Variants in SPATA16 observed in about 807,000 individuals in gnomAD.
The protein encoded by SPATA16 is spermatogenesis-associated protein 16.
A neutral mutation model predicts 63.3 loss-of-function variants in SPATA16; 36 were observed. That is an observed-to-expected ratio of 0.57 (90% CI 0.44 to 0.75). The LOEUF (loss-of-function observed/expected upper bound fraction) is 0.75, where lower values mean the gene tolerates loss of function less well. Ranked by LOEUF, SPATA16 falls within the 30% of genes least tolerant of loss-of-function variation. The pLI, the probability that SPATA16 is intolerant of heterozygous loss-of-function variation, is 0.00. For missense variants in SPATA16, 646 were observed against 679.3 expected, an observed-to-expected ratio of 0.95 and a Z score of 0.54; for synonymous variants, 203 against 216.7, an observed-to-expected ratio of 0.94 and a Z score of 0.56.
rs144549374 is a variant in SPATA16 at position 173,074,325 on chromosome 3, G to A, written c.613-25231C>T. Reference sequence around the variant, plus strand: ...GAGGGGCTAGGGGTGAAATGATATGGTTTGGCTGTGTCCCCATCCAAATCT... The same window carrying A: ...GAGGGGCTAGGGGTGAAATGATATGATTTGGCTGTGTCCCCATCCAAATCT... On this transcript the variant is annotated intron_variant, in intron 2 of 10. Transcript: ENST00000351008. Among the ~76,000 whole-genome samples the A allele has an allele frequency of 7.9e-3, 1,206 of 152,204 alleles. 25 individuals are homozygous for A. Among genetic ancestry groups the A allele is most frequent in the African/African-American group, 0.028 (1,146 of 41,522 alleles).
chr3:173,031,789 A>G (rs962192790), intron 3 of SPATA16, among the ~76,000 whole-genome samples: 1 of 152,118 alleles, frequency 6.6e-6, no homozygotes, highest in Admixed American at 6.6e-5. Flanking sequence ...AAAATAAAGT[A>G]TAATAGTCCT....
intron 10 of SPATA16, among the ~76,000 whole-genome samples, chr3:172,903,066 C>T (rs1732154441): frequency 6.6e-6 from 1 of 152,170 alleles, no homozygotes. Context: ...TCCTATGGTT[C>T]ATTTAGCTAC....
Position 173,049,099 on chromosome 3 carries a change from A to C in SPATA16, c.613-5T>G. 1 of 1,609,740 alleles carries C rather than the reference A, an allele frequency of 6.2e-7. No individual in the cohort carries two copies. The highest frequency in any genetic ancestry group is 8.5e-7 in the Non-Finnish European group (1 of 1,177,522). The stretch of plus-strand genomic sequence containing the variant: ...AACTGCTCCTTTGCTGCAAAGCTTT[A>C]AAAAATATAGTACTTTCAACATCTT... On this transcript the variant is annotated splice_region_variant and splice_polypyrimidine_tract_variant and intron_variant, in intron 2 of 10. Coordinates refer to ENST00000351008, the MANE Select transcript of SPATA16 (RefSeq NM_031955.6).
intron 5 of SPATA16, among the ~76,000 whole-genome samples, chr3:172,967,022 G>A (rs1233393573): frequency 6.6e-6 from 1 of 152,158 alleles, no homozygotes; most frequent in African/African-American, 2.4e-5. Context: ...ACACAGAGAA[G>A]GAGTCAACAT....
At chr3:173,064,997 C>G (rs1337130100) in intron 2 of SPATA16, among the ~76,000 whole-genome samples, 2 of 152,208 alleles carry the variant, frequency 1.3e-5, no homozygotes, top group African/African-American at 2.4e-5. Context: ...GTCTCTACAA[C>G]TATTGTTCTT....
chr3:172,988,770 G>C (rs1242641696), intron 4 of SPATA16, among the ~76,000 whole-genome samples: 1 of 152,150 alleles, frequency 6.6e-6, no homozygotes, highest in African/African-American at 2.4e-5. Flanking sequence ...CCGAGTAGCT[G>C]AGATTACAAG....
At chr3:173,115,763 A>G (rs1016863750) in intron 2 of SPATA16, among the ~76,000 whole-genome samples, 28 of 152,192 alleles carry the variant, frequency 1.8e-4, no homozygotes, top group Non-Finnish European at 4.4e-5. Context: ...AACTGTAGTC[A>G]TTTTAACCTG....
Position 173,117,331 on chromosome 3 carries a change from C to A in SPATA16, c.401G>T (p.Gly134Val). Residue 134 changes from glycine to valine, a missense_variant, in exon 2 of 11, where the codon GGT becomes GTT. By Grantham distance (109) the Gly-to-Val change is moderately radical. Transcript: ENST00000351008. ...GGACTCTACAAACTCATAGCGAACA[C>A]CCATTTCATCAATGTAGACCAACTT... Reference protein sequence around the residue: ...EMKLVYIDEMGVRYEFVESFM... With the variant: ...EMKLVYIDEMVVRYEFVESFM... 2 of 1,614,168 alleles carry A rather than the reference C, an allele frequency of 1.2e-6. No individual in the cohort carries two copies. The highest frequency in any genetic ancestry group is 1.7e-6 in the Non-Finnish European group (2 of 1,180,002).
chr3:172,958,737 C>T (rs138286670), intron 5 of SPATA16, among the ~76,000 whole-genome samples: 2 of 152,258 alleles, frequency 1.3e-5, no homozygotes, highest in African/African-American at 4.8e-5. Flanking sequence ...TTGTAGATGG[C>T]TGTCTTTCCC....
chr3:172,977,520 A>G (rs1734192883), intron 4 of SPATA16, among the ~76,000 whole-genome samples: 1 of 152,108 alleles, frequency 6.6e-6, no homozygotes, highest in Non-Finnish European at 1.5e-5. Context: ...TCTCCTGAAA[A>G]CAGAAAATAA....
intron 4 of SPATA16, among the ~76,000 whole-genome samples, chr3:173,010,499 C>A (rs1456427776): frequency 2.0e-5 from 3 of 150,662 alleles, no homozygotes; most frequent in Non-Finnish European, 1.5e-5. Flanking sequence ...GTGGGGCTCC[C>A]AGAGGTAAGT....
intron 1 of SPATA16, among the ~76,000 whole-genome samples, chr3:173,129,352 A>G (rs1317671622): frequency 6.6e-6 from 1 of 152,184 alleles, no homozygotes; most frequent in Non-Finnish European, 1.5e-5. Context: ...TTTCAGCCAG[A>G]TTACTTAACT....
At chr3:172,963,197 C>T (rs578118728) in intron 5 of SPATA16, among the ~76,000 whole-genome samples, 15 of 152,136 alleles carry the variant, frequency 9.9e-5, no homozygotes, top group East Asian at 7.7e-4. Flanking sequence ...AAAGAACATT[C>T]GCAATAAGTT....
intron 5 of SPATA16, among the ~76,000 whole-genome samples, chr3:172,964,613 TG>T (rs1479090113): frequency 2.0e-5 from 3 of 152,220 alleles, no homozygotes; most frequent in Non-Finnish European, 4.4e-5. Flanking sequence ...GACCCTTTTT[TG>T]TCATTGTGCA....
At chr3:173,027,983 C>T (rs1282167475) in intron 3 of SPATA16, among the ~76,000 whole-genome samples, 1 of 46,396 alleles carries the variant, frequency 2.2e-5, no homozygotes, top group African/African-American at 1.0e-4. Context: ...TTCTCCCTCC[C>T]TCCCTCCCTC....
intron 2 of SPATA16, among the ~76,000 whole-genome samples, chr3:173,069,820 G>T (rs1163659183): frequency 1.3e-5 from 2 of 152,130 alleles, no homozygotes; most frequent in Non-Finnish European, 2.9e-5. Flanking sequence ...GTGATGCAAG[G>T]ATAGTTCAAC....
intron 10 of SPATA16, among the ~76,000 whole-genome samples, chr3:172,899,091 T>C (rs1232078220): frequency 6.6e-6 from 1 of 152,020 alleles, no homozygotes; most frequent in Non-Finnish European, 1.5e-5. Flanking sequence ...TGATCCAGAA[T>C]AGCATCTATT....
At chr3:173,120,959 T>C (rs1322567819) in intron 1 of SPATA16, among the ~76,000 whole-genome samples, 3 of 152,158 alleles carry the variant, frequency 2.0e-5, no homozygotes, top group Admixed American at 6.5e-5. Context: ...AAAAATTATA[T>C]AGGGTGTACA....
intron 2 of SPATA16, among the ~76,000 whole-genome samples, chr3:173,107,922 T>C (rs760800021): frequency 2.6e-5 from 4 of 152,206 alleles, no homozygotes; most frequent in Non-Finnish European, 4.4e-5. Flanking sequence ...TTTCTGGGTG[T>C]CATCCCTAAA....
Sources: gnomAD v4.1 joint callset for allele counts (sites outside exome capture counted in the v4.1 genomes callset) on GRCh38, gnomAD v4.1.1 for gene constraint, MANE v1.5 for transcripts, NCBI Gene and HGNC (gene_info 2026-07-23, HGNC 2026-07-21) for gene names.